The following CEP112 variants were observed in gnomAD, a reference collection of about 807,000 sequenced individuals.
CEP112 encodes centrosomal protein 112.
In CEP112, 127 loss-of-function variants were observed where a neutral mutation model predicts 153.0. That is an observed-to-expected ratio of 0.83 (90% CI 0.72 to 0.96). The LOEUF (loss-of-function observed/expected upper bound fraction) is 0.96. Among genes scored for constraint, CEP112 ranks in the 40% least tolerant of loss-of-function variants. CEP112 has a pLI of 0.00. For missense variants in CEP112, 1,089 were observed against 1,101.2 expected (o/e 0.99, Z 0.16); for synonymous variants, 358 against 374.4 (o/e 0.96, Z 0.51).
intron 17 of CEP112, 43 bp from the exon 18 acceptor site, chr17:65,961,641 G>A (rs1475107530): frequency 6.5e-7 from 1 of 1,533,170 alleles, no homozygotes; most frequent in African/African-American, 1.4e-5. Flanking sequence ...ATATAAAAGA[G>A]CTAGGCCTGA....
chr17:66,020,500 T>C (rs1368257518), intron 16 of CEP112, among the ~76,000 whole-genome samples: 1 of 152,164 alleles, frequency 6.6e-6, no homozygotes, highest in Non-Finnish European at 1.5e-5. Context: ...CCTTCCCCAA[T>C]ATAACCATTT....
intron 8 of CEP112, among the ~76,000 whole-genome samples, chr17:66,088,606 C>T (rs930399312): frequency 2.6e-5 from 4 of 152,106 alleles, no homozygotes; most frequent in African/African-American, 7.2e-5. Context: ...TTAGACCCAC[C>T]CAACCTCCCA....
At chr17:66,126,901 A>G (rs2146499291) in intron 6 of CEP112, among the ~76,000 whole-genome samples, 1 of 152,302 alleles carries the variant, frequency 6.6e-6, no homozygotes, top group Non-Finnish European at 1.5e-5. Context: ...CTACTAATGG[A>G]TCACTCAGAG....
chr17:66,097,576 A>G (rs1598345370), intron 6 of CEP112, among the ~76,000 whole-genome samples: 1 of 152,264 alleles, frequency 6.6e-6, no homozygotes, highest in South Asian at 2.1e-4. Context: ...AAAGTATCCT[A>G]TGTCCACTCT....
At chr17:66,009,676 T>C (rs1379575421) in intron 16 of CEP112, among the ~76,000 whole-genome samples, 1 of 152,178 alleles carries the variant, frequency 6.6e-6, no homozygotes, top group Admixed American at 6.5e-5. Flanking sequence ...CAATCTTTTG[T>C]ATATGGCTAG....
Position 65,983,416 on chromosome 17 carries a change from C to A in CEP112, c.1737-21818G>T, listed in dbSNP as rs540731500. Among the ~76,000 whole-genome samples, 3 of 152,110 alleles carry A rather than the reference C, an allele frequency of 2.0e-5. No individual in the cohort carries two copies. The South Asian group carries it at 6.2e-4, about 32-fold the overall frequency. Reference sequence around the variant, plus strand: ...CTTTTATATAGTTGGGATATGTGTCCCCTCCAAATATCATGTTGAAATGTG... The same window carrying A: ...CTTTTATATAGTTGGGATATGTGTCACCTCCAAATATCATGTTGAAATGTG... On this transcript the variant is annotated intron_variant, in intron 17 of 26. Transcript: ENST00000535342.
At chr17:65,988,730 G>A (rs1325456469) in intron 17 of CEP112, among the ~76,000 whole-genome samples, 1 of 151,118 alleles carries the variant, frequency 6.6e-6, no homozygotes, top group South Asian at 2.1e-4. Flanking sequence ...ATTGAGAGGA[G>A]AAAAAAGAAA....
intron 23 of CEP112, among the ~76,000 whole-genome samples, chr17:65,694,055 C>T (rs2048246572): frequency 6.6e-6 from 1 of 152,176 alleles, no homozygotes; most frequent in African/African-American, 2.4e-5. Context: ...GATATTGTTA[C>T]AGCAACCAGA....
intron 4 of CEP112, among the ~76,000 whole-genome samples, chr17:66,146,299 T>C (rs1178512052): frequency 2.0e-5 from 3 of 152,078 alleles, no homozygotes; most frequent in South Asian, 2.1e-4. Flanking sequence ...TTGGTATATA[T>C]AGAGCTATTC....
chr17:66,174,414 A>C (rs1482140930), intron 4 of CEP112, among the ~76,000 whole-genome samples: 1 of 152,212 alleles, frequency 6.6e-6, no homozygotes, highest in East Asian at 1.9e-4. Flanking sequence ...TAAAATTACC[A>C]AGAGAATGGT....
chr17:65,821,524 A>AAT (rs2056562904), intron 21 of CEP112, among the ~76,000 whole-genome samples: 1 of 22,094 alleles, frequency 4.5e-5, no homozygotes, highest in African/African-American at 1.7e-4. Flanking sequence ...TTATATATAT[A>AAT]TATATATATA....
chr17:65,960,365 CATTT>C (rs1266921149), intron 18 of CEP112, among the ~76,000 whole-genome samples: 1 of 151,940 alleles, frequency 6.6e-6, no homozygotes, highest in African/African-American at 2.4e-5. Flanking sequence ...AACAAAAAAA[CATTT>C]ATGCCTGTAA....
intron 12 of CEP112, among the ~76,000 whole-genome samples, chr17:66,040,129 G>A (rs987053143): frequency 2.6e-5 from 4 of 152,106 alleles, no homozygotes; most frequent in African/African-American, 9.7e-5. Flanking sequence ...TTACTATCAA[G>A]GAGCTTTTCA....
chr17:65,819,074 T>G (rs377709725), intron 21 of CEP112, among the ~76,000 whole-genome samples: 1 of 151,910 alleles, frequency 6.6e-6, no homozygotes. Flanking sequence ...AATAATGACT[T>G]TTAAAAGTTT....
In CEP112 at chr17:65,951,131, C is replaced by T. The variant is rs138932596; in HGVS notation, c.1872+10332G>A. On this transcript the variant is annotated intron_variant, in intron 18 of 26. Transcript: ENST00000535342. ...ATTGTCTGTATATGTTGCTAGATTC[C>T]GTTTTCCAAAATCTCATGAAGGGCT... 3.3e-3 allele frequency among the ~76,000 whole-genome samples: 497 copies of T among 152,170 alleles called. 3 individuals are homozygous for T. Among genetic ancestry groups the T allele is most frequent in the African/African-American group, 0.012 (479 of 41,522 alleles).
chr17:65,729,712 C>T (rs2050387032), intron 23 of CEP112, among the ~76,000 whole-genome samples: 1 of 152,122 alleles, frequency 6.6e-6, no homozygotes, highest in South Asian at 2.1e-4. Flanking sequence ...AATTAACCAC[C>T]AGCCTGGGCA....
intron 21 of CEP112, among the ~76,000 whole-genome samples, chr17:65,817,221 GCTA>G (rs1475527434): frequency 2.0e-5 from 3 of 151,830 alleles, no homozygotes; most frequent in Non-Finnish European, 4.4e-5. Flanking sequence ...TAAGGAGATT[GCTA>G]CTTATTATTT....
At chr17:65,710,511 T>G (rs1284839472) in intron 23 of CEP112, among the ~76,000 whole-genome samples, 2 of 152,212 alleles carry the variant, frequency 1.3e-5, no homozygotes, top group Non-Finnish European at 2.9e-5. Flanking sequence ...AAGGAAGTAA[T>G]AAAGTCAACA....
intron 21 of CEP112, among the ~76,000 whole-genome samples, chr17:65,770,644 T>C (rs547725393): frequency 1.3e-5 from 2 of 152,118 alleles, no homozygotes; most frequent in South Asian, 2.1e-4. Flanking sequence ...TTTAAAGCAA[T>C]AATAACAAAT....
Sources: allele counts gnomAD v4.1 joint callset (sites outside exome capture counted in the v4.1 genomes callset), GRCh38; gene constraint gnomAD v4.1.1; transcripts MANE v1.5; gene names NCBI Gene and HGNC (gene_info 2026-07-23, HGNC 2026-07-21).